Variants in PLXDC2 observed in about 807,000 individuals in gnomAD.
The protein encoded by PLXDC2 is plexin domain-containing protein 2.
In PLXDC2, 40 loss-of-function variants were observed where a neutral mutation model predicts 68.9. The observed-to-expected ratio is 0.58, with a 90% confidence interval of 0.45 to 0.76. The LOEUF (loss-of-function observed/expected upper bound fraction) is 0.76, where lower values mean the gene tolerates loss of function less well. Ranked by LOEUF, PLXDC2 falls within the 30% of genes least tolerant of loss-of-function variation. The pLI is 0.00. For missense variants in PLXDC2, 644 were observed against 661.9 expected, an observed-to-expected ratio of 0.97 and a Z score of 0.30; for synonymous variants, 243 against 234.2, an observed-to-expected ratio of 1.04 and a Z score of -0.34.
chr10:19,892,679 T>C (rs1837985593), intron 1 of PLXDC2, among the ~76,000 whole-genome samples: 1 of 152,188 alleles, frequency 6.6e-6, no homozygotes, highest in Non-Finnish European at 1.5e-5. Context: ...CTTTTATAAA[T>C]AAAGGTAGAC....
intron 2 of PLXDC2, among the ~76,000 whole-genome samples, chr10:20,002,462 GT>G (rs1564653394): frequency 1.3e-5 from 2 of 152,042 alleles, no homozygotes; most frequent in Non-Finnish European, 2.9e-5. Context: ...ATTTCACCAT[GT>G]TTGCCAGGCT....
intron 2 of PLXDC2, among the ~76,000 whole-genome samples, chr10:20,030,059 T>G (rs1469912996): frequency 6.6e-6 from 1 of 152,164 alleles, no homozygotes; most frequent in African/African-American, 2.4e-5. Flanking sequence ...TCTTAGAGAT[T>G]ATTTGAAAAA....
chr10:20,061,919 G>A (rs1836111447), intron 3 of PLXDC2, among the ~76,000 whole-genome samples: 1 of 152,108 alleles, frequency 6.6e-6, no homozygotes. Context: ...ATAATGTTCA[G>A]CTATTTATTA....
At chr10:20,166,809 T>C (rs1479448931) in intron 7 of PLXDC2, among the ~76,000 whole-genome samples, 1 of 152,102 alleles carries the variant, frequency 6.6e-6, no homozygotes, top group Non-Finnish European at 1.5e-5. Context: ...TACTTAGATA[T>C]CAGGGCCCTA....
intron 9 of PLXDC2, among the ~76,000 whole-genome samples, chr10:20,193,627 C>T (rs1233083126): frequency 2.0e-5 from 3 of 152,068 alleles, no homozygotes; most frequent in South Asian, 2.1e-4. Context: ...AAATATTTTT[C>T]GTCTGGATAA....
chr10:20,209,193 C>G (rs547201371), intron 9 of PLXDC2, among the ~76,000 whole-genome samples: 1 of 152,220 alleles, frequency 6.6e-6, no homozygotes, highest in Non-Finnish European at 1.5e-5. Flanking sequence ...CCTAATAAGC[C>G]TGGGAGTGCT....
chr10:20,132,472 T>A (rs755899454), intron 4 of PLXDC2, among the ~76,000 whole-genome samples: 2 of 152,208 alleles, frequency 1.3e-5, no homozygotes, highest in Non-Finnish European at 2.9e-5. Context: ...ATTATTGTAT[T>A]GGTGAACTAT....
chr10:20,167,955 C>T (rs868095770), intron 7 of PLXDC2, among the ~76,000 whole-genome samples: 2 of 152,064 alleles, frequency 1.3e-5, no homozygotes, highest in Middle Eastern at 6.8e-3. Context: ...TTTTGAAGAC[C>T]CCCAAATAGT....
intron 4 of PLXDC2, among the ~76,000 whole-genome samples, chr10:20,097,610 A>G (rs1833368223): frequency 6.6e-6 from 1 of 152,004 alleles, no homozygotes; most frequent in Non-Finnish European, 1.5e-5. Context: ...GAATAGAAAA[A>G]CACTGATGAA....
At chr10:20,102,418 T>C (rs927240678) in intron 4 of PLXDC2, among the ~76,000 whole-genome samples, 26 of 152,200 alleles carry the variant, frequency 1.7e-4, no homozygotes, top group African/African-American at 6.3e-4. Flanking sequence ...TCCCAAGATA[T>C]AGTCATTGTT....
intron 4 of PLXDC2, among the ~76,000 whole-genome samples, chr10:20,086,337 T>C: frequency 6.8e-6 from 1 of 148,116 alleles, no homozygotes; most frequent in South Asian, 2.2e-4. Flanking sequence ...TTTATTTTAT[T>C]TTATTTTATT....
intron 3 of PLXDC2, among the ~76,000 whole-genome samples, chr10:20,064,266 G>C (rs1193265003): frequency 6.6e-6 from 1 of 150,434 alleles, no homozygotes; most frequent in Non-Finnish European, 1.5e-5. Flanking sequence ...TGTCACCCAG[G>C]CTGGAGTGCA....
intron 4 of PLXDC2, among the ~76,000 whole-genome samples, chr10:20,092,936 G>C (rs1448568462): frequency 6.6e-6 from 1 of 152,132 alleles, no homozygotes; most frequent in Non-Finnish European, 1.5e-5. Context: ...AGAACTTCCA[G>C]AGAGAGTCCA....
chr10:19,841,568 ATCTG>A (rs528271381), intron 1 of PLXDC2, among the ~76,000 whole-genome samples: 25 of 133,312 alleles, frequency 1.9e-4, no homozygotes, highest in African/African-American at 6.8e-4. Flanking sequence ...AGTGTTGCCT[ATCTG>A]TCTATCTATC....
At chr10:19,980,097 A>G (rs912957686) in intron 1 of PLXDC2, among the ~76,000 whole-genome samples, 8 of 152,226 alleles carry the variant, frequency 5.3e-5, no homozygotes, top group Non-Finnish European at 7.3e-5. Context: ...ATATTTTACT[A>G]AACTGTTGAC....
chr10:20,125,196 C>T (rs1833756091), intron 4 of PLXDC2, among the ~76,000 whole-genome samples: 1 of 152,026 alleles, frequency 6.6e-6, no homozygotes, highest in African/African-American at 2.4e-5. Context: ...ACTTGAGAAG[C>T]AGAGTATTAG....
At chr10:20,038,584 G>C (rs544767089) in intron 2 of PLXDC2, among the ~76,000 whole-genome samples, 16 of 152,266 alleles carry the variant, frequency 1.1e-4, no homozygotes, top group African/African-American at 3.1e-4. Flanking sequence ...TCTATTCAAA[G>C]CTAATATGTG....
At chr10:20,062,106 A>T (rs1205716165) in intron 3 of PLXDC2, among the ~76,000 whole-genome samples, 1 of 152,198 alleles carries the variant, frequency 6.6e-6, no homozygotes, top group African/African-American at 2.4e-5. Context: ...TTGACTTTAC[A>T]GATGAGCAAA....
At position 19,857,834 on chromosome 10, in the gene PLXDC2, A is replaced by G. The variant is rs557208103; in HGVS notation, c.112+40643A>G. Among the ~76,000 whole-genome samples, 40 of 152,322 alleles carry G rather than the reference A, an allele frequency of 2.6e-4. 1 individual carries two copies. The highest frequency in any genetic ancestry group is 1.9e-3 in the South Asian group (9 of 4,832). On this transcript the variant is annotated intron_variant, in intron 1 of 13. Coordinates refer to ENST00000377252, the MANE Select transcript of PLXDC2 (RefSeq NM_032812.9). ...GATGTAAAGAAATCTTATTTACCCA[A>G]TTTATAATGAATCAACAAATCCATG...
Sources: allele counts gnomAD v4.1 joint callset (sites outside exome capture counted in the v4.1 genomes callset), GRCh38; gene constraint gnomAD v4.1.1; transcripts MANE v1.5; gene names NCBI Gene and HGNC (gene_info 2026-07-23, HGNC 2026-07-21).